The following CNTN4 variants were observed in gnomAD, a reference collection of about 807,000 sequenced individuals.
CNTN4 encodes the protein contactin 4.
CNTN4 carries 77 observed loss-of-function variants against 122.5 expected under a neutral mutation model. That is an observed-to-expected ratio of 0.63 (90% CI 0.52 to 0.76). The LOEUF (loss-of-function observed/expected upper bound fraction) is 0.76. Ranked by LOEUF, CNTN4 falls within the 30% of genes least tolerant of loss-of-function variation. The pLI, the probability that CNTN4 is intolerant of heterozygous loss-of-function variation, is 0.00. For synonymous variants in CNTN4, 512 were observed against 447.0 expected (o/e 1.15, Z -1.83); for missense variants, 1,256 against 1,259.1 (o/e 1.00, Z 0.04).
At chr3:2,519,866 A>G (rs889565322) in intron 3 of CNTN4, among the ~76,000 whole-genome samples, 2 of 152,150 alleles carry the variant, frequency 1.3e-5, no homozygotes, top group African/African-American at 4.8e-5. Context: ...CGGGAAAAAT[A>G]TGCGGATTCA....
chr3:2,631,359 C>T (rs1298013880), intron 4 of CNTN4, among the ~76,000 whole-genome samples: 2 of 152,116 alleles, frequency 1.3e-5, no homozygotes, highest in Non-Finnish European at 2.9e-5. Flanking sequence ...TAGTAACCCC[C>T]AGAGATTAGC....
At chr3:2,798,401 C>CTATCTATCTATA (rs2092264633) in intron 6 of CNTN4, among the ~76,000 whole-genome samples, 1 of 151,638 alleles carries the variant, frequency 6.6e-6, no homozygotes, top group South Asian at 2.1e-4. Flanking sequence ...ATATATCTAT[C>CTATCTATCTATA]TATCTATCTC....
intron 3 of CNTN4, among the ~76,000 whole-genome samples, chr3:2,444,419 A>C (rs2048547375): frequency 6.6e-6 from 1 of 152,100 alleles, no homozygotes; most frequent in African/African-American, 2.4e-5. Flanking sequence ...TGTCCTGGGA[A>C]GATGGGCGAG....
chr3:2,887,524 C>G (rs950078899), intron 10 of CNTN4, among the ~76,000 whole-genome samples: 1 of 151,942 alleles, frequency 6.6e-6, no homozygotes, highest in Non-Finnish European at 1.5e-5. Context: ...AGCTGTAAAC[C>G]TGACACAGGA....
intron 3 of CNTN4, among the ~76,000 whole-genome samples, chr3:2,419,930 A>G (rs138037974): frequency 1.7e-4 from 26 of 152,254 alleles, no homozygotes; most frequent in African/African-American, 6.0e-4. Context: ...ACTCTGCTTG[A>G]TGACTGTAAT....
At chr3:2,574,198 A>AGAGCCAGACTC in intron 4 of CNTN4, among the ~76,000 whole-genome samples, 1 of 152,180 alleles carries the variant, frequency 6.6e-6, no homozygotes, top group Admixed American at 6.5e-5. Flanking sequence ...CCTGGGCAAC[A>AGAGCCAGACTC]AGAGTGAAAC....
chr3:2,281,173 C>T (rs182713338), intron 2 of CNTN4, among the ~76,000 whole-genome samples: 4 of 152,242 alleles, frequency 2.6e-5, no homozygotes, highest in African/African-American at 9.6e-5. Flanking sequence ...ACCAGATATA[C>T]CTCTTCCATT....
intron 4 of CNTN4, among the ~76,000 whole-genome samples, chr3:2,724,426 A>G (rs543387646): frequency 6.6e-6 from 1 of 152,326 alleles, no homozygotes; most frequent in East Asian, 1.9e-4. Flanking sequence ...AATAATTAAA[A>G]TAGTTTCACA....
At position 2,571,522 on chromosome 3, in the gene CNTN4, C is replaced by A; in HGVS notation, c.19C>A (p.Leu7Met). 1 of 1,613,844 alleles carries A rather than the reference C, an allele frequency of 6.2e-7. No homozygotes were observed. The highest frequency in any genetic ancestry group is 8.5e-7 in the Non-Finnish European group (1 of 1,179,714). The change falls in exon 4 of 25, where the codon CTG (leucine) becomes ATG (methionine). Residue 7 changes from leucine (L) to methionine (M), a missense_variant. Coordinates refer to ENST00000418658, the MANE Select transcript of CNTN4 (RefSeq NM_175607.3). MRLPWELLVLQSFILCL... is the reference protein window; with the variant it reads MRLPWEMLVLQSFILCL... ...ACTGAAGATGAGGTTGCCATGGGAA[C>A]TGCTGGTACTGCAATCATTCATTTT...
At chr3:2,423,638 T>G (rs2047696112) in intron 3 of CNTN4, among the ~76,000 whole-genome samples, 1 of 152,150 alleles carries the variant, frequency 6.6e-6, no homozygotes, top group Non-Finnish European at 1.5e-5. Flanking sequence ...AGTCCAGTAT[T>G]TGTCTACTTA....
At chr3:2,493,938 C>T (rs1178048846) in intron 3 of CNTN4, among the ~76,000 whole-genome samples, 3 of 152,002 alleles carry the variant, frequency 2.0e-5, no homozygotes, top group African/African-American at 7.2e-5. Context: ...AAATGCTATT[C>T]TAGAATAGTG....
intron 3 of CNTN4, among the ~76,000 whole-genome samples, chr3:2,460,007 C>G (rs2049144889): frequency 1.3e-5 from 2 of 152,096 alleles, no homozygotes; most frequent in Admixed American, 1.3e-4. Flanking sequence ...GCTATTGCTG[C>G]TGGGTCAGAG....
intron 4 of CNTN4, among the ~76,000 whole-genome samples, chr3:2,631,578 G>C (rs944694551): frequency 1.1e-4 from 17 of 151,168 alleles, no homozygotes; most frequent in African/African-American, 4.1e-4. Context: ...TCATAGTTTT[G>C]ATAATGTACC....
intron 3 of CNTN4, among the ~76,000 whole-genome samples, chr3:2,437,234 G>A (rs2648691): frequency 0.93 from 140,950 of 152,196 alleles, 65,322 homozygotes; most frequent in East Asian, 0.98. Flanking sequence ...TAATAATTAA[G>A]TCTGTTTAGT....
At chr3:2,228,712 T>C (rs559700172) in intron 2 of CNTN4, among the ~76,000 whole-genome samples, 2 of 152,286 alleles carry the variant, frequency 1.3e-5, no homozygotes, top group East Asian at 1.9e-4. Context: ...AGTTGGAATA[T>C]TTATAGCAAC....
At chr3:2,459,903 T>C (rs536215334) in intron 3 of CNTN4, among the ~76,000 whole-genome samples, 1 of 152,324 alleles carries the variant, frequency 6.6e-6, no homozygotes, top group African/African-American at 2.4e-5. Flanking sequence ...TCTTCCCTTG[T>C]ATTTATGGAA....
At chr3:2,322,910 G>A (rs901433251) in intron 2 of CNTN4, among the ~76,000 whole-genome samples, 2 of 152,032 alleles carry the variant, frequency 1.3e-5, no homozygotes, top group Non-Finnish European at 2.9e-5. Context: ...TAGAGGAAAA[G>A]TTGCTGTCTC....
intron 2 of CNTN4, among the ~76,000 whole-genome samples, chr3:2,280,812 T>G (rs1368251292): frequency 6.6e-6 from 1 of 152,142 alleles, no homozygotes; most frequent in Non-Finnish European, 1.5e-5. Context: ...CCAGTTAAAT[T>G]AAGTTCCTGA....
At chr3:2,873,568 C>T (rs578133295) in intron 8 of CNTN4, among the ~76,000 whole-genome samples, 59 of 152,324 alleles carry the variant, frequency 3.9e-4, no homozygotes, top group Middle Eastern at 3.4e-3. Context: ...CTGAAATATT[C>T]TTGTTGCAGC....
Sources: gnomAD v4.1 joint callset for allele counts (sites outside exome capture counted in the v4.1 genomes callset) on GRCh38, gnomAD v4.1.1 for gene constraint, MANE v1.5 for transcripts, NCBI Gene and HGNC (gene_info 2026-07-23, HGNC 2026-07-21) for gene names.